The following ME3 variants were observed in gnomAD, a reference collection of about 807,000 sequenced individuals.
The protein encoded by ME3 is malic enzyme 3, also known as NADP-dependent malic enzyme, mitochondrial.
ME3 carries 48 observed loss-of-function variants against 68.9 expected under a neutral mutation model. The ratio of observed to expected loss-of-function variants is 0.70; its 90% confidence interval spans 0.55 to 0.89. The LOEUF (loss-of-function observed/expected upper bound fraction) is 0.89, where lower values mean the gene tolerates loss of function less well. Among genes scored for constraint, ME3 ranks in the 40% least tolerant of loss-of-function variants. The pLI, the probability that ME3 is intolerant of heterozygous loss-of-function variation, is 0.00. For synonymous variants in ME3, 320 were observed against 318.8 expected, an observed-to-expected ratio of 1.00 and a Z score of -0.04; for missense variants, 675 against 797.4, an observed-to-expected ratio of 0.85 and a Z score of 1.85.
At chr11:86,595,825 G>A (rs1959351487) in intron 2 of ME3, among the ~76,000 whole-genome samples, 1 of 152,250 alleles carries the variant, frequency 6.6e-6, no homozygotes, top group Non-Finnish European at 1.5e-5. Flanking sequence ...CAGAAGAACA[G>A]AAGCTCCCAG....
At chr11:86,529,781 GA>G (rs1219771055) in intron 4 of ME3, among the ~76,000 whole-genome samples, 1 of 151,940 alleles carries the variant, frequency 6.6e-6, no homozygotes, top group African/African-American at 2.4e-5. Flanking sequence ...AATAGATGCA[GA>G]AAAATTCAAC....
At chr11:86,496,869 T>G (rs1298258196) in intron 6 of ME3, among the ~76,000 whole-genome samples, 1 of 70,666 alleles carries the variant, frequency 1.4e-5, no homozygotes, top group African/African-American at 5.3e-5. Flanking sequence ...ACCACTTTTA[T>G]TTTATAAGTG....
At chr11:86,633,936 T>C (rs1298903823) in intron 2 of ME3, among the ~76,000 whole-genome samples, 2 of 152,158 alleles carry the variant, frequency 1.3e-5, no homozygotes, top group Non-Finnish European at 2.9e-5. Context: ...CCCATGCTGA[T>C]TCTGCCATGA....
At chr11:86,631,769 G>A (rs1272122497) in intron 2 of ME3, among the ~76,000 whole-genome samples, 15 of 152,176 alleles carry the variant, frequency 9.9e-5, no homozygotes, top group Admixed American at 9.8e-4. Context: ...TTTTATTCTT[G>A]TCATCCAGGC....
intron 2 of ME3, among the ~76,000 whole-genome samples, chr11:86,603,661 C>T (rs1259865393): frequency 6.6e-6 from 1 of 151,966 alleles, no homozygotes; most frequent in Non-Finnish European, 1.5e-5. Flanking sequence ...TTTATTGCGG[C>T]ACTATTCACA....
At chr11:86,516,452 A>ATCTC (rs1953913364) in intron 4 of ME3, among the ~76,000 whole-genome samples, 1 of 152,024 alleles carries the variant, frequency 6.6e-6, no homozygotes, top group Non-Finnish European at 1.5e-5. Context: ...CAGTGGCATG[A>ATCTC]TCTCTGCTCA....
intron 4 of ME3, among the ~76,000 whole-genome samples, chr11:86,511,094 A>G (rs1352910142): frequency 6.6e-6 from 1 of 152,138 alleles, no homozygotes; most frequent in Non-Finnish European, 1.5e-5. Context: ...CACTTCTTTC[A>G]TCAGTAACAC....
intron 2 of ME3, among the ~76,000 whole-genome samples, chr11:86,664,902 C>T (rs904147637): frequency 6.6e-6 from 1 of 152,184 alleles, no homozygotes; most frequent in African/African-American, 2.4e-5. Context: ...CTGTGCTGTG[C>T]TCCTCCAGCA....
intron 2 of ME3, among the ~76,000 whole-genome samples, chr11:86,653,316 C>CA (rs1945603149): frequency 1.3e-5 from 2 of 152,160 alleles, no homozygotes. Context: ...CACACCACAC[C>CA]CATTCCAAAA....
chr11:86,522,195 A>C (rs1240622648), intron 4 of ME3, among the ~76,000 whole-genome samples: 1 of 152,190 alleles, frequency 6.6e-6, no homozygotes, highest in Non-Finnish European at 1.5e-5. Context: ...GGTTGCAGTG[A>C]GCCAAGACTG....
At chr11:86,611,605 T>G (rs1379585982) in intron 2 of ME3, among the ~76,000 whole-genome samples, 13 of 129,406 alleles carry the variant, frequency 1.0e-4, no homozygotes, top group African/African-American at 1.7e-4. Flanking sequence ...CTCAATAAAG[T>G]GGGGGGGGGG....
At chr11:86,593,084 G>A (rs998343421) in intron 2 of ME3, among the ~76,000 whole-genome samples, 1 of 152,190 alleles carries the variant, frequency 6.6e-6, no homozygotes, top group African/African-American at 2.4e-5. Context: ...TCCTGGAGAT[G>A]ACTGTGGCCT....
intron 5 of ME3, among the ~76,000 whole-genome samples, chr11:86,506,239 T>C (rs1485283320): frequency 6.6e-6 from 1 of 152,248 alleles, no homozygotes; most frequent in Non-Finnish European, 1.5e-5. Flanking sequence ...CCCAAAGCCC[T>C]GTTTCTCTTC....
chr11:86,594,683 A>C (rs1959189467), intron 2 of ME3, among the ~76,000 whole-genome samples: 1 of 146,080 alleles, frequency 6.8e-6, no homozygotes, highest in Admixed American at 7.3e-5. Context: ...TTCTCAAAAA[A>C]CAATACAAAA....
chr11:86,640,496 C>T (rs1565254508), intron 2 of ME3, among the ~76,000 whole-genome samples: 1 of 152,210 alleles, frequency 6.6e-6, no homozygotes, highest in Non-Finnish European at 1.5e-5. Flanking sequence ...ATGCTCAGAA[C>T]CCCACCTGGG....
chr11:86,671,834 C>A (rs1190783437), exon 2 of ME3: 3 of 1,593,982 alleles, frequency 1.9e-6, no homozygotes, highest in Non-Finnish European at 1.7e-6. Flanking sequence ...CCGGGCCAGG[C>A]TTGGAGTGGC....
intron 2 of ME3, among the ~76,000 whole-genome samples, chr11:86,617,067 T>TG (rs1943025379): frequency 7.1e-6 from 1 of 141,128 alleles, no homozygotes; most frequent in African/African-American, 2.6e-5. Context: ...TTTTTTTTTT[T>TG]TTTTTTTTTT....
At chr11:86,513,554 A>T (rs1594244331) in intron 4 of ME3, among the ~76,000 whole-genome samples, 1 of 152,332 alleles carries the variant, frequency 6.6e-6, no homozygotes, top group East Asian at 1.9e-4. Context: ...TGCACTTTCC[A>T]CTAATGCAGA....
chr11:86,614,658 C>T lies in ME3; in HGVS notation c.184-54835G>A, dbSNP rs192668617. Among the ~76,000 whole-genome samples, 12 of 152,294 alleles carry T rather than the reference C, an allele frequency of 7.9e-5. 1 individual carries two copies. The highest frequency in any genetic ancestry group is 3.4e-3 in the Middle Eastern group (1 of 294). ...TCAGCTTTTTAGCAACAGGCACCAA[C>T]CAGGTGCCTATGGATTTTTTTTCAT... On this transcript the variant is annotated intron_variant, in intron 2 of 14. Transcript: ENST00000543262.
Sources: allele counts gnomAD v4.1 joint callset (sites outside exome capture counted in the v4.1 genomes callset), GRCh38; gene constraint gnomAD v4.1.1; transcripts MANE v1.5; gene names NCBI Gene and HGNC (gene_info 2026-07-23, HGNC 2026-07-21).